The following ZNF236 variants were observed in gnomAD, a reference collection of about 807,000 sequenced individuals.
The protein encoded by ZNF236 is regulated by glucose.
A neutral mutation model predicts 191.2 loss-of-function variants in ZNF236; 50 were observed. The ratio of observed to expected loss-of-function variants is 0.26; its 90% CI spans 0.21 to 0.33. ZNF236 has a LOEUF of 0.33. ZNF236 is among the 10% of genes least tolerant of loss of function. The pLI, the probability that ZNF236 is intolerant of heterozygous loss-of-function variation, is 1.00. For missense variants in ZNF236, 1,754 were observed against 2,374.5 expected (o/e 0.74, Z 5.43); for synonymous variants, 907 against 928.8 (o/e 0.98, Z 0.43).
At chr18:76,867,583 C>T (rs909051347) in intron 3 of ZNF236, among the ~76,000 whole-genome samples, 17 of 152,084 alleles carry the variant, frequency 1.1e-4, no homozygotes, top group Admixed American at 6.5e-5. Context: ...TGCTCATTGA[C>T]AGGTCATGTT....
intron 20 of ZNF236, 126 bp from the exon 21 acceptor site, chr18:76,922,945 G>C: frequency 1.5e-6 from 1 of 681,472 alleles, no homozygotes; most frequent in South Asian, 1.7e-5. Context: ...ATGGAGTGAA[G>C]CTTAAAGTTT....
chr18:76,918,123 C>G (rs568911888), intron 19 of ZNF236, among the ~76,000 whole-genome samples: 1 of 152,312 alleles, frequency 6.6e-6, no homozygotes, highest in South Asian at 2.1e-4. Flanking sequence ...TTTTTTCAGT[C>G]AGTCATACAA....
chr18:76,939,737 A>G (rs969147688), intron 26 of ZNF236, among the ~76,000 whole-genome samples: 1 of 151,278 alleles, frequency 6.6e-6, no homozygotes, highest in East Asian at 1.9e-4. Flanking sequence ...TGTAATGTGC[A>G]TTGGGCTTTG....
intron 14 of ZNF236, 150 bp from the exon 15 acceptor site, chr18:76,909,918 A>G: frequency 3.5e-6 from 2 of 575,522 alleles, no homozygotes; most frequent in Middle Eastern, 8.8e-4. Flanking sequence ...TGCTTTAAGC[A>G]TATGTATGTA....
At chr18:76,900,733 T>A (rs900695792) in intron 11 of ZNF236, among the ~76,000 whole-genome samples, 2 of 152,118 alleles carry the variant, frequency 1.3e-5, no homozygotes, top group African/African-American at 4.8e-5. Context: ...TAAGACAGAT[T>A]GAAAATAAGT....
At chr18:76,947,156 G>A (rs1195974898) in intron 26 of ZNF236, among the ~76,000 whole-genome samples, 1 of 152,138 alleles carries the variant, frequency 6.6e-6, no homozygotes, top group East Asian at 1.9e-4. Flanking sequence ...TTTTGTGACT[G>A]GCTTTTTTCA....
At chr18:76,826,499 A>C (rs566456531) in intron 1 of ZNF236, among the ~76,000 whole-genome samples, 25 of 151,434 alleles carry the variant, frequency 1.7e-4, no homozygotes, top group Admixed American at 1.1e-3. Flanking sequence ...TGTCCAAAGC[A>C]TGCATTTTAG....
At chr18:76,935,917 G>A (rs1967981318) in intron 25 of ZNF236, 1 of 454,632 alleles carries the variant, frequency 2.2e-6, no homozygotes. Flanking sequence ...TATCTGTGGA[G>A]CCCCGGCGGC....
chr18:76,890,448 A>G (rs1388183322), intron 9 of ZNF236, among the ~76,000 whole-genome samples: 1 of 152,210 alleles, frequency 6.6e-6, no homozygotes, highest in East Asian at 1.9e-4. Flanking sequence ...ATAACAAATG[A>G]AAAGGATTTT....
In ZNF236 at chr18:76,960,408, C is replaced by T. The variant is rs1968636218; in HGVS notation, c.5243-271C>T. Among the ~76,000 whole-genome samples the T allele has an allele frequency of 6.6e-6, 1 of 152,182 alleles. No homozygotes were observed. The highest frequency in any genetic ancestry group is 6.5e-5 in the Admixed American group (1 of 15,280). Reference sequence around the variant, plus strand: ...TCTGTTGTGATCATCTGACGACTCACTGTGGGCCTGGGGTTCCACAGGCTG... The same window carrying T: ...TCTGTTGTGATCATCTGACGACTCATTGTGGGCCTGGGGTTCCACAGGCTG... On this transcript the variant is annotated intron_variant, in intron 29 of 30. Coordinates refer to ENST00000320610, the MANE Select transcript of ZNF236 (RefSeq NM_001306089.2). The surrounding 1 kb of genome is among the most constrained non-coding windows in gnomAD (Gnocchi z 4.4).
intron 19 of ZNF236, among the ~76,000 whole-genome samples, chr18:76,917,546 C>T (rs1042711166): frequency 2.6e-5 from 4 of 152,204 alleles, no homozygotes; most frequent in African/African-American, 9.6e-5. Flanking sequence ...GGAGAAAAGT[C>T]ACGTGTTAAA....
chr18:76,844,340 C>T (rs927036280), intron 1 of ZNF236, among the ~76,000 whole-genome samples: 3 of 151,858 alleles, frequency 2.0e-5, no homozygotes, highest in African/African-American at 7.3e-5. Context: ...TCCAGGCATA[C>T]TTCTAACGAC....
intron 10 of ZNF236, among the ~76,000 whole-genome samples, chr18:76,897,390 C>T (rs1977461204): frequency 6.6e-6 from 1 of 151,466 alleles, no homozygotes; most frequent in Non-Finnish European, 1.5e-5. Flanking sequence ...GAGTACCAAA[C>T]ACAGTACTGC....
chr18:76,838,033 A>T (rs1975385738), intron 1 of ZNF236, among the ~76,000 whole-genome samples: 1 of 152,254 alleles, frequency 6.6e-6, no homozygotes, highest in Non-Finnish European at 1.5e-5. Context: ...TTTAGAAGAC[A>T]TTGCACATTT....
chr18:76,836,211 A>G (rs971871942), intron 1 of ZNF236, among the ~76,000 whole-genome samples: 2 of 151,578 alleles, frequency 1.3e-5, no homozygotes, highest in Admixed American at 1.3e-4. Context: ...TGGCCTATAC[A>G]GTCTTTATAA....
chr18:76,824,354 C>T (rs746765570), intron 1 of ZNF236: 3 of 781,082 alleles, frequency 3.8e-6, no homozygotes, highest in South Asian at 2.7e-5. Context: ...CTTTCGCACA[C>T]CTCATGGGCC....
At chr18:76,887,738 T>C (rs886250620) in intron 9 of ZNF236, among the ~76,000 whole-genome samples, 1 of 152,124 alleles carries the variant, frequency 6.6e-6, no homozygotes, top group Non-Finnish European at 1.5e-5. Context: ...CAACTGCCCT[T>C]TATAAAACCA....
chr18:76,895,521 T>C (rs1977378745), intron 10 of ZNF236: 3 of 614,554 alleles, frequency 4.9e-6, no homozygotes, highest in Non-Finnish European at 5.7e-6. Context: ...CAAACACAGA[T>C]ACCGCACACA....
chr18:76,873,415 A>G (rs1356879009), intron 5 of ZNF236, among the ~76,000 whole-genome samples: 2 of 152,204 alleles, frequency 1.3e-5, no homozygotes, highest in East Asian at 1.9e-4. Context: ...AACTTGAAGC[A>G]TGTGTCACTT....
Sources: allele counts gnomAD v4.1 joint callset (sites outside exome capture counted in the v4.1 genomes callset), GRCh38; gene constraint gnomAD v4.1.1; non-coding constraint Gnocchi (gnomAD v3.1); transcripts MANE v1.5; gene names NCBI Gene and HGNC (gene_info 2026-07-23, HGNC 2026-07-21).